Variants in ZFHX3 observed in about 807,000 individuals in gnomAD.
ZFHX3 encodes the protein zinc finger homeobox 3.
Under a neutral mutation model 279.1 loss-of-function variants are expected in ZFHX3, and 42 were observed. That is an observed-to-expected ratio of 0.15 (90% confidence interval 0.12 to 0.19). ZFHX3 has a LOEUF of 0.19. Ranked by LOEUF, ZFHX3 falls within the 10% of genes least tolerant of loss-of-function variation. The pLI is 1.00. For synonymous variants in ZFHX3, 2,293 were observed against 1,957.8 expected, an observed-to-expected ratio of 1.17 and a Z score of -4.52; for missense variants, 4,981 against 4,754.0, an observed-to-expected ratio of 1.05 and a Z score of -1.40.
In ZFHX3 at chr16:73,708,915, G is replaced by A. The variant is rs148306520; in HGVS notation, c.-1607-28675C>T. ...TGCCTGGACATGGCGCTCACTTTCC[G>A]TCTCCTCTCCCATGATACGTATTTA... On this transcript the variant is annotated intron_variant, in intron 1 of 17. Transcript: ENST00000641206. 1.6e-3 allele frequency among the ~76,000 whole-genome samples: 236 copies of A among 152,210 alleles called. 3 individuals carry two copies. In the East Asian group the frequency reaches 0.017, roughly 11 times the overall value.
intron 1 of ZFHX3, among the ~76,000 whole-genome samples, chr16:73,682,661 CCTGTAATCCCAG>C (rs2053023122): frequency 6.6e-6 from 1 of 151,692 alleles, no homozygotes; most frequent in South Asian, 2.1e-4. Context: ...GTGGCATGCA[CCTGTAATCCCAG>C]CTACTCGGGA....
At chr16:73,718,991 G>A (rs1040526796) in intron 1 of ZFHX3, among the ~76,000 whole-genome samples, 3 of 152,166 alleles carry the variant, frequency 2.0e-5, no homozygotes, top group African/African-American at 7.2e-5. Context: ...TAAGGTTTAA[G>A]TTCCATTAAA....
chr16:73,693,039 T>G (rs989547222), intron 1 of ZFHX3, among the ~76,000 whole-genome samples: 1 of 152,056 alleles, frequency 6.6e-6, no homozygotes, highest in Non-Finnish European at 1.5e-5. Context: ...TACGAAAAAC[T>G]TGGCAGCAGC....
intron 4 of ZFHX3, among the ~76,000 whole-genome samples, chr16:73,288,684 G>C (rs1019151071): frequency 7.2e-5 from 11 of 152,060 alleles, no homozygotes; most frequent in African/African-American, 2.7e-4. Context: ...GGACTGCTTC[G>C]TTTGAGGCTT....
At chr16:73,866,943 C>T (rs890621534) in intron 1 of ZFHX3, among the ~76,000 whole-genome samples, 7 of 152,156 alleles carry the variant, frequency 4.6e-5, no homozygotes, top group East Asian at 1.9e-4. Flanking sequence ...CGCCAACTCC[C>T]TTCATGTCCC....
intron 4 of ZFHX3, among the ~76,000 whole-genome samples, chr16:72,839,775 TG>T (rs551272265): frequency 6.6e-6 from 1 of 150,620 alleles, no homozygotes; most frequent in African/African-American, 2.4e-5. Context: ...CATGACAATG[TG>T]GGGGGGATGA....
In ZFHX3 at chr16:72,811,929, T is replaced by C. The variant is rs570916275; in HGVS notation, c.3639A>G (p.Thr1213=). ...ESPLSSKRPK[T]AEEIKPEQMY... ...CCTGCTCCGGTTTGATCTCCTCAGC[T>C]GTTTTTGGTCGCTTCGAAGAGAGGG... is the stretch of plus-strand genomic sequence containing the variant. Residue 1213 remains threonine (T), a synonymous_variant, in exon 6 of 10, where the codon ACA becomes ACG. Coordinates refer to ENST00000268489, the MANE Select transcript of ZFHX3 (RefSeq NM_006885.4). The C allele has an allele frequency of 1.2e-6, 2 of 1,613,910 alleles. No individual in the cohort carries two copies. The highest frequency in any genetic ancestry group is 2.2e-5 in the South Asian group (2 of 91,074).
chr16:73,456,468 C>T (rs2018373452), intron 2 of ZFHX3, among the ~76,000 whole-genome samples: 1 of 152,112 alleles, frequency 6.6e-6, no homozygotes, highest in Non-Finnish European at 1.5e-5. Flanking sequence ...GCTATATCCA[C>T]AGGAAAACAT....
chr16:73,843,649 C>T (rs1048822534), intron 1 of ZFHX3, among the ~76,000 whole-genome samples: 1 of 152,246 alleles, frequency 6.6e-6, no homozygotes, highest in Non-Finnish European at 1.5e-5. Context: ...CTCGTATCAT[C>T]TGCCTTCAAT....
intron 5 of ZFHX3, among the ~76,000 whole-genome samples, chr16:73,146,361 G>T (rs1437184469): frequency 6.6e-6 from 1 of 151,992 alleles, no homozygotes; most frequent in Non-Finnish European, 1.5e-5. Context: ...CCGGGAGGCG[G>T]AGGTTGCAGT....
rs2035265527 is a variant in ZFHX3, at chr16:72,784,483, AAAC to A, written c.*2678_*2680del. ...ATATCACATAGAGAACCAAAAACAA[AAAC>A]AATTTTTTTTCTATATGGTACAGAC... On this transcript the variant is annotated 3_prime_UTR_variant, in exon 10 of 10. Transcript: ENST00000268489. 6.6e-6 allele frequency: 1 copy of A among 152,418 alleles called. No homozygotes were observed. The highest frequency in any genetic ancestry group is 6.6e-5 in the Admixed American group (1 of 15,244). 9.4% of individuals were successfully genotyped at this position (152,418 alleles called of 1,614,324 possible). A position where few individuals can be genotyped will look rare whatever the true frequency, so the allele number is the denominator to read the frequency against.
intron 2 of ZFHX3, among the ~76,000 whole-genome samples, chr16:73,496,644 T>G (rs1325557004): frequency 1.3e-5 from 2 of 152,236 alleles, no homozygotes; most frequent in African/African-American, 4.8e-5. Context: ...TAGTTGGTGG[T>G]TGGACTCTGC....
At chr16:73,025,845 T>C (rs74998300) in intron 1 of ZFHX3, among the ~76,000 whole-genome samples, 3,627 of 152,170 alleles carry the variant, frequency 0.024, 73 homozygotes, top group East Asian at 0.12. Flanking sequence ...CTGAGGAAAA[T>C]TGATGTTCCC....
At chr16:73,260,774 C>G (rs967416451) in intron 4 of ZFHX3, among the ~76,000 whole-genome samples, 1 of 147,948 alleles carries the variant, frequency 6.8e-6, no homozygotes, top group African/African-American at 2.5e-5. Flanking sequence ...CCTCCGCCTC[C>G]CGGGTTTAAA....
chr16:73,321,671 T>C (rs373359518), intron 3 of ZFHX3, among the ~76,000 whole-genome samples: 37 of 152,372 alleles, frequency 2.4e-4, no homozygotes, highest in South Asian at 2.1e-3. Flanking sequence ...CTCTACATGC[T>C]GCAGGCCACC....
intron 1 of ZFHX3, chr16:73,794,485 A>T (rs919479795): frequency 6.6e-6 from 1 of 152,214 alleles, no homozygotes; most frequent in Non-Finnish European, 1.5e-5. Flanking sequence ...TAGAGGGTAA[A>T]AGACACTCAA....
At chr16:73,588,211 T>C (rs1597013882) in intron 2 of ZFHX3, among the ~76,000 whole-genome samples, 1 of 151,950 alleles carries the variant, frequency 6.6e-6, no homozygotes, top group Non-Finnish European at 1.5e-5. Context: ...AAACTGACAA[T>C]GAAAATGCTG....
chr16:73,862,726 G>A (rs1213758517), intron 1 of ZFHX3, among the ~76,000 whole-genome samples: 1 of 152,092 alleles, frequency 6.6e-6, no homozygotes, highest in Admixed American at 6.5e-5. Flanking sequence ...GTAGAGAGCT[G>A]TGATCACGCC....
At chr16:72,957,362 C>G in intron 2 of ZFHX3, 65 bp downstream of exon 2, 2 of 1,525,926 alleles carry the variant, frequency 1.3e-6, no homozygotes, top group Non-Finnish European at 8.8e-7. Context: ...CTATCTCACC[C>G]TATTCACCAT....
Sources: gnomAD v4.1 joint callset for allele counts (sites outside exome capture counted in the v4.1 genomes callset) on GRCh38, gnomAD v4.1.1 for gene constraint, MANE v1.5 for transcripts, NCBI Gene and HGNC (gene_info 2026-07-23, HGNC 2026-07-21) for gene names.